Variants in FOXR1 observed in about 807,000 individuals in gnomAD.
FOXR1 encodes the protein forkhead box R1.
In FOXR1, 25 loss-of-function variants were observed where a neutral mutation model predicts 34.5. That is an observed-to-expected ratio of 0.72 (90% CI 0.53 to 1.01). The LOEUF (loss-of-function observed/expected upper bound fraction) is 1.01. FOXR1 is among the 50% of genes least tolerant of loss of function. FOXR1 has a pLI of 0.00. For missense variants in FOXR1, 373 were observed against 376.2 expected, an observed-to-expected ratio of 0.99 and a Z score of 0.07; for synonymous variants, 153 against 141.6, an observed-to-expected ratio of 1.08 and a Z score of -0.57.
Position 118,979,141 on chromosome 11 carries a change from C to T in FOXR1, c.321C>T (p.Ser107=), listed in dbSNP as rs1489228861. The T allele has an allele frequency of 1.9e-6, 3 of 1,587,222 alleles. No homozygotes were observed. The highest frequency in any genetic ancestry group is 8.6e-7 in the Non-Finnish European group (1 of 1,168,324). Residue 107 remains serine (S), a synonymous_variant, in exon 3 of 6, where the codon TCC becomes TCT. Transcript: ENST00000317011. ...CSEAAGVESL[S]QSSSKRSPPR... is the part of the protein sequence containing the mutation. The stretch of plus-strand genomic sequence containing the variant: ...AGGCCGCAGGGGTGGAATCACTGTC[C>T]CAGTCCTCCAGCAAGCGGTCTCCCC...
chr11:118,981,029 G>C (rs1166724902), intron 5 of FOXR1, among the ~76,000 whole-genome samples, 179 bp from the exon 6 acceptor site: 1 of 152,182 alleles, frequency 6.6e-6, no homozygotes, highest in Non-Finnish European at 1.5e-5. Flanking sequence ...ACAGTTAATA[G>C]AGGTTATGTA....
At chr11:118,974,174 G>A (rs150873614) in intron 1 of FOXR1, among the ~76,000 whole-genome samples, 2 of 152,186 alleles carry the variant, frequency 1.3e-5, no homozygotes, top group Non-Finnish European at 1.5e-5. Context: ...GTTGAGAGCA[G>A]GAATGCCTGT....
rs535776792 is a variant in FOXR1 at position 118,974,614 on chromosome 11, G to A, written c.61+2622G>A. ...CGAGGAGCCTCATGTTTTCTTTACT[G>A]GACCCTACAAATTATGTGGCTAGTC... is the stretch of plus-strand genomic sequence containing the variant. On this transcript the variant is annotated intron_variant, in intron 1 of 5. Coordinates refer to ENST00000317011, the MANE Select transcript of FOXR1 (RefSeq NM_181721.3). Among the ~76,000 whole-genome samples, 284 of 152,214 alleles carry A rather than the reference G, an allele frequency of 1.9e-3. 1 individual carries two copies. The highest frequency in any genetic ancestry group is 6.5e-3 in the African/African-American group (268 of 41,528).
intron 1 of FOXR1, among the ~76,000 whole-genome samples, chr11:118,973,488 C>A (rs1052541297): frequency 1.3e-5 from 2 of 151,876 alleles, no homozygotes; most frequent in Non-Finnish European, 2.9e-5. Context: ...TCTCCTCTGC[C>A]CCCCGGGTTC....
Position 118,980,491 on chromosome 11 carries a change from A to G in FOXR1, c.613A>G (p.Lys205Glu), listed in dbSNP as rs1363997867. The G allele has an allele frequency of 6.2e-7, 1 of 1,614,158 alleles. No individual in the cohort carries two copies. Among genetic ancestry groups the G allele is most frequent in the Non-Finnish European group, 8.5e-7 (1 of 1,180,000 alleles). The change falls in exon 5 of 6, where the codon AAG (lysine) becomes GAG (glutamate). Residue 205 changes from lysine (K) to glutamate (E), a missense_variant and splice_region_variant. Lys to Glu is a moderately conservative substitution (Grantham distance 56, BLOSUM62 1). Transcript: ENST00000317011. Reference sequence around the variant, plus strand: ...CTTACCTCTCCTCCCTGTCCATAGAAAGCACTTCCCCTTTTTCCGGACGGC... The same window carrying G: ...CTTACCTCTCCTCCCTGTCCATAGAGAGCACTTCCCCTTTTTCCGGACGGC... ...NVQQIYSFTR[K>E]HFPFFRTAPE...
chr11:118,980,958 G>A (rs1204204896), intron 5 of FOXR1, among the ~76,000 whole-genome samples: 1 of 152,316 alleles, frequency 6.6e-6, no homozygotes, highest in East Asian at 1.9e-4. Context: ...AACAACTAAG[G>A]GGCAACTGGC....
At chr11:118,973,547 G>A (rs1941741643) in intron 1 of FOXR1, among the ~76,000 whole-genome samples, 1 of 151,946 alleles carries the variant, frequency 6.6e-6, no homozygotes, top group Non-Finnish European at 1.5e-5. Context: ...CTACAGGCAC[G>A]CGCTACCATG....
At chr11:118,973,449 G>A (rs1033841319) in intron 1 of FOXR1, among the ~76,000 whole-genome samples, 1 of 152,066 alleles carries the variant, frequency 6.6e-6, no homozygotes, top group Non-Finnish European at 1.5e-5. Context: ...ATGGAGTCTG[G>A]CTCTGTTGCC....
intron 1 of FOXR1, among the ~76,000 whole-genome samples, chr11:118,973,831 T>C (rs550065923): frequency 5.9e-5 from 9 of 151,930 alleles, no homozygotes; most frequent in African/African-American, 1.9e-4. Context: ...GTAGCTGGGA[T>C]TACAGGCATG....
intron 1 of FOXR1, 117 bp downstream of exon 1, chr11:118,972,109 T>TG: frequency 2.7e-6 from 2 of 749,066 alleles, no homozygotes; most frequent in Non-Finnish European, 3.7e-6. Flanking sequence ...CGGGGAGGCT[T>TG]GGGGGGCCGA....
chr11:118,978,789 G>T lies in FOXR1; in HGVS notation c.69G>T (p.Arg23Ser). 6.2e-7 allele frequency: 1 copy of T among 1,614,140 alleles called. No individual in the cohort carries two copies. The highest frequency in any genetic ancestry group is 1.7e-5 in the Admixed American group (1 of 60,020). The change falls in exon 2 of 6, where the codon AGG becomes AGT. Residue 23 changes from arginine to serine, a missense_variant. Physicochemically the swap from Arg to Ser is moderately radical, Grantham distance 110 (BLOSUM62 -1). Coordinates refer to ENST00000317011, the MANE Select transcript of FOXR1 (RefSeq NM_181721.3). ...TGTCTTTCTTTTTGCCAGTTGCCAGGTATAAACTCCGAATTGTTAAGCCAC... is the reference window on the plus strand; with the variant it reads ...TGTCTTTCTTTTTGCCAGTTGCCAGTTATAAACTCCGAATTGTTAAGCCAC... The part of the protein sequence containing the change: ...HLPLAEQKLA[R>S]YKLRIVKPPK...
At chr11:118,972,080 A>G in intron 1 of FOXR1, 88 bp downstream of exon 1, 1 of 1,231,530 alleles carries the variant, frequency 8.1e-7, no homozygotes, top group Admixed American at 2.1e-5. Context: ...ACGGCTCCCC[A>G]GCCTTCGCCC....
At chr11:118,972,625 T>C (rs35884654) in intron 1 of FOXR1, among the ~76,000 whole-genome samples, 1 of 151,412 alleles carries the variant, frequency 6.6e-6, no homozygotes, top group African/African-American at 2.4e-5. Flanking sequence ...TTTTTTTTTT[T>C]CCAAATTTTT....
chr11:118,976,936 A>C (rs193182714), intron 1 of FOXR1, among the ~76,000 whole-genome samples: 3 of 152,218 alleles, frequency 2.0e-5, no homozygotes, highest in Admixed American at 2.0e-4. Flanking sequence ...GATTTGTAGG[A>C]GCTCTCTATG....
rs1356856302 is a variant in FOXR1 at position 118,971,970 on chromosome 11, C to A, written c.39C>A (p.His13Gln). The A allele has an allele frequency of 5.2e-6, 8 of 1,552,566 alleles. No individual in the cohort carries two copies. Among genetic ancestry groups the A allele is most frequent in the Non-Finnish European group, 7.0e-6 (8 of 1,147,320 alleles). Residue 13 changes from histidine (H) to glutamine (Q), a missense_variant, in exon 1 of 6, where the codon CAC (histidine) becomes CAA (glutamine). Transcript: ENST00000317011. ...TCTTTCTGGCCTTCACCACATCTCA[C>A]CTCCCCTTAGCGGAGCAGAAACGTG... ...NELFLAFTTS[H>Q]LPLAEQKLAR...
At position 118,980,514 on chromosome 11, in the gene FOXR1, G is replaced by A. The variant is rs372574100; in HGVS notation, c.636G>A (p.Thr212=). Residue 212 remains threonine (T), a synonymous_variant, in exon 5 of 6, where the codon ACG becomes ACA. Coordinates refer to ENST00000317011, the MANE Select transcript of FOXR1 (RefSeq NM_181721.3). Reference sequence around the variant, plus strand: ...GAAAGCACTTCCCCTTTTTCCGGACGGCCCCGGAAGGCTGGAAGAATACTG... The same window carrying A: ...GAAAGCACTTCCCCTTTTTCCGGACAGCCCCGGAAGGCTGGAAGAATACTG... ...FTRKHFPFFR[T]APEGWKNTVR... is the part of the protein sequence containing the mutation. The A allele has an allele frequency of 7.9e-5, 127 of 1,613,494 alleles. No homozygotes were observed. The highest frequency in any genetic ancestry group is 3.3e-4 in the Middle Eastern group (2 of 6,080).
At chr11:118,974,531 C>G (rs1941755806) in intron 1 of FOXR1, among the ~76,000 whole-genome samples, 1 of 152,126 alleles carries the variant, frequency 6.6e-6, no homozygotes, top group Non-Finnish European at 1.5e-5. Flanking sequence ...TGCCTAGGTG[C>G]CTGTGTTTGG....
chr11:118,971,998 T>C lies in FOXR1; in HGVS notation c.61+6T>C. The stretch of plus-strand genomic sequence containing the variant: ...CCCCTTAGCGGAGCAGAAACGTGAG[T>C]AGCGGGTGGGGTGAGGTGGGGGGCT... On this transcript the variant is annotated splice_donor_region_variant and intron_variant, in intron 1 of 5. Coordinates refer to ENST00000317011, the MANE Select transcript of FOXR1 (RefSeq NM_181721.3). The C allele has an allele frequency of 6.5e-7, 1 of 1,548,828 alleles. No individual in the cohort carries two copies. The highest frequency in any genetic ancestry group is 1.2e-5 in the South Asian group (1 of 84,034).
At position 118,971,827 on chromosome 11, in the gene FOXR1, C is replaced by G; in HGVS notation, c.-105C>G. 2 of 1,288,770 alleles carry G rather than the reference C, an allele frequency of 1.6e-6. No individual in the cohort carries two copies. The highest frequency in any genetic ancestry group is 1.3e-5 in the South Asian group (1 of 78,804). 79.8% of individuals were successfully genotyped at this position (1,288,770 alleles called of 1,614,324 possible). On this transcript the variant is annotated 5_prime_UTR_variant, in exon 1 of 6. Coordinates refer to ENST00000317011, the MANE Select transcript of FOXR1 (RefSeq NM_181721.3). ...GCGCTCCCACTCCGCGTCCCCACTCCGCGCCGCCGCGCCTCTGCCAGCCCC... is the reference window on the plus strand; with the variant it reads ...GCGCTCCCACTCCGCGTCCCCACTCGGCGCCGCCGCGCCTCTGCCAGCCCC...
Sources: allele counts gnomAD v4.1 joint callset (sites outside exome capture counted in the v4.1 genomes callset), GRCh38; gene constraint gnomAD v4.1.1; transcripts MANE v1.5; gene names NCBI Gene and HGNC (gene_info 2026-07-23, HGNC 2026-07-21).